CNOT1: variants seen among roughly 807,000 people sequenced by gnomAD.
The protein encoded by CNOT1 is CCR4-NOT transcription complex subunit 1.
CNOT1 carries 15 observed loss-of-function variants against 273.8 expected under a neutral mutation model. The observed-to-expected ratio is 0.05, with a 90% CI of 0.04 to 0.08. The LOEUF (loss-of-function observed/expected upper bound fraction) is 0.08. Ranked by LOEUF, CNOT1 falls within the 10% of genes least tolerant of loss-of-function variation. CNOT1 has a pLI of 1.00. For synonymous variants in CNOT1, 1,022 were observed against 1,005.5 expected (o/e 1.02, Z -0.31); for missense variants, 1,644 against 2,912.2 (o/e 0.56, Z 10.02).
intron 2 of CNOT1, chr16:58,597,579 T>C: frequency 6.2e-6 from 2 of 324,262 alleles, no homozygotes; most frequent in Admixed American, 4.1e-5. Flanking sequence ...AAGAAAACTT[T>C]CAGCTATCTT....
intron 22 of CNOT1, among the ~76,000 whole-genome samples, chr16:58,553,502 C>G (rs988789983): frequency 5.2e-5 from 7 of 133,356 alleles, no homozygotes; most frequent in African/African-American, 2.1e-4. Context: ...CTTAGTAAAA[C>G]TGTTTATTCT....
At chr16:58,543,028 G>T in intron 31 of CNOT1, 1 of 1,002,130 alleles carries the variant, frequency 1.0e-6, no homozygotes, top group Non-Finnish European at 1.3e-6. Flanking sequence ...CAGAGGTGGA[G>T]GATGCAGTGA....
chr16:58,570,021 T>G (rs1330967325), intron 16 of CNOT1, among the ~76,000 whole-genome samples: 3 of 152,052 alleles, frequency 2.0e-5, no homozygotes, highest in African/African-American at 7.2e-5. Flanking sequence ...CATACAATAC[T>G]CAATAAATTA....
intron 1 of CNOT1, among the ~76,000 whole-genome samples, chr16:58,625,549 T>C (rs1369985764): frequency 1.3e-5 from 2 of 150,888 alleles, no homozygotes; most frequent in African/African-American, 4.9e-5. Flanking sequence ...CCAGGCATGA[T>C]GGCGCGCACC....
chr16:58,597,456 C>T, intron 2 of CNOT1: 1 of 189,664 alleles, frequency 5.3e-6, no homozygotes, highest in Non-Finnish European at 1.1e-5. Context: ...GCCTGAGTGA[C>T]AGAGTGAAAC....
At chr16:58,594,378 AGGAAAAGGAAAGTGACC>A (rs1207422778) in intron 2 of CNOT1, among the ~76,000 whole-genome samples, 1 of 152,230 alleles carries the variant, frequency 6.6e-6, no homozygotes, top group East Asian at 1.9e-4. Context: ...TAGACAGAGA[AGGAAAAGGAAAGTGACC>A]GCAAATGAAC....
chr16:58,622,338 G>GA (rs2043371996), intron 1 of CNOT1, among the ~76,000 whole-genome samples: 2 of 32,502 alleles, frequency 6.2e-5, no homozygotes, highest in Non-Finnish European at 1.5e-4. Flanking sequence ...TCTAGTGGGG[G>GA]GGGGGGGGGG....
chr16:58,546,565 T>C, intron 28 of CNOT1, 67 bp from the exon 29 acceptor site: 1 of 1,604,034 alleles, frequency 6.2e-7, no homozygotes, highest in Admixed American at 1.7e-5. Flanking sequence ...TAATATACTC[T>C]ACTTTCAGTT....
rs2040717176 is a variant in CNOT1 at position 58,558,528 on chromosome 16, G to A, written c.2277C>T (p.Thr759=). 1 of 1,613,608 alleles carries A rather than the reference G, an allele frequency of 6.2e-7. No individual in the cohort carries two copies. The highest frequency in any genetic ancestry group is 1.3e-5 in the African/African-American group (1 of 74,880). ...SPAKAFPPLS[T]PNQTTAFSGI... ...CACTGAATGCAGTGGTCTGATTGGGGGTTGAAAGGGGTGGAAATGCTTTTG... is the reference window on the plus strand; with the variant it reads ...CACTGAATGCAGTGGTCTGATTGGGAGTTGAAAGGGGTGGAAATGCTTTTG... Residue 759 remains threonine (T), a synonymous_variant, in exon 18 of 49, where the codon ACC becomes ACT. Transcript: ENST00000317147.
At chr16:58,545,310 T>TAG in intron 30 of CNOT1, 51 bp downstream of exon 30, 1 of 1,598,380 alleles carries the variant, frequency 6.3e-7, no homozygotes, top group Non-Finnish European at 8.5e-7. Flanking sequence ...CCAAACAAAA[T>TAG]TTACCTTATC....
intron 16 of CNOT1, among the ~76,000 whole-genome samples, chr16:58,572,437 C>T (rs2041307434): frequency 6.6e-6 from 1 of 152,086 alleles, no homozygotes; most frequent in Non-Finnish European, 1.5e-5. Flanking sequence ...GAGTTCAACA[C>T]TAGCCTGGGC....
At position 58,549,806 on chromosome 16, in the gene CNOT1, A is replaced by G. The variant is rs778194734; in HGVS notation, c.3435T>C (p.Phe1145=). 13 of 1,613,952 alleles carry G rather than the reference A, an allele frequency of 8.1e-6. No homozygotes were observed. The East Asian group carries it at 2.7e-4, about 33-fold the overall frequency. The change falls in exon 25 of 49, where the codon TTT becomes TTC. Residue 1145 remains phenylalanine, a synonymous_variant. Coordinates refer to ENST00000317147, the MANE Select transcript of CNOT1 (RefSeq NM_016284.5). ...CAAGGAAGTTTGAATACAGGCTATG[A>G]AAGTTTGGCTCAATACTGACTCTCT... ...VMKRVSIEPN[F]HSLYSNFLDT...
intron 2 of CNOT1, 144 bp from the exon 3 acceptor site, chr16:58,589,050 T>C (rs2041966183): frequency 8.8e-7 from 1 of 1,135,452 alleles, no homozygotes; most frequent in Non-Finnish European, 1.2e-6. Flanking sequence ...AAAGGAATTA[T>C]TGATGGAAGT....
At chr16:58,521,370 A>G (rs1466803405) in intron 47 of CNOT1, 53 bp from the exon 48 acceptor site, 4 of 1,532,940 alleles carry the variant, frequency 2.6e-6, no homozygotes, top group South Asian at 2.4e-5. Context: ...CAAATTCATG[A>G]TTATTCTTCC....
intron 40 of CNOT1, among the ~76,000 whole-genome samples, chr16:58,533,818 C>G (rs905777022): frequency 1.8e-4 from 28 of 151,858 alleles, no homozygotes; most frequent in African/African-American, 6.8e-4. Context: ...GAGCGAGACT[C>G]CATCTCAAAT....
intron 1 of CNOT1, among the ~76,000 whole-genome samples, chr16:58,622,352 GGGC>G: frequency 4.9e-5 from 1 of 20,402 alleles, no homozygotes; most frequent in African/African-American, 1.5e-4. Context: ...GGGGGGGGGC[GGGC>G]GTGGACAATG....
At chr16:58,526,274 T>G in intron 44 of CNOT1, 136 bp from the exon 45 acceptor site, 1 of 771,396 alleles carries the variant, frequency 1.3e-6, no homozygotes, top group Non-Finnish European at 2.0e-6. Context: ...TGCCACATTT[T>G]ATTAATCAGT....
intron 16 of CNOT1, among the ~76,000 whole-genome samples, chr16:58,570,079 G>A (rs1597479572): frequency 6.6e-6 from 1 of 152,146 alleles, no homozygotes; most frequent in Non-Finnish European, 1.5e-5. Context: ...AGCAGTGGGG[G>A]AGCATATTCA....
At chr16:58,601,824 C>A (rs995947729) in intron 1 of CNOT1, among the ~76,000 whole-genome samples, 5 of 145,174 alleles carry the variant, frequency 3.4e-5, no homozygotes, top group Non-Finnish European at 4.5e-5. Flanking sequence ...ATCGCTTGAA[C>A]CCAGGAGTTT....
Sources: allele counts gnomAD v4.1 joint callset (sites outside exome capture counted in the v4.1 genomes callset), GRCh38; gene constraint gnomAD v4.1.1; transcripts MANE v1.5; gene names NCBI Gene and HGNC (gene_info 2026-07-23, HGNC 2026-07-21).